The following TENM2 variants were observed in gnomAD, a reference collection of about 807,000 sequenced individuals.
TENM2 encodes the protein teneurin transmembrane protein 2, also known as teneurin-2.
Under a neutral mutation model 245.2 loss-of-function variants are expected in TENM2, and 52 were observed. The observed-to-expected ratio is 0.21, with a 90% confidence interval of 0.17 to 0.27. TENM2 has a LOEUF of 0.27. Ranked by LOEUF, TENM2 falls within the 10% of genes least tolerant of loss-of-function variation. TENM2 has a pLI of 1.00. For missense variants in TENM2, 3,046 were observed against 3,666.8 expected (o/e 0.83, Z 4.37); for synonymous variants, 1,363 against 1,438.9 (o/e 0.95, Z 1.19).
chr5:167,116,661 A>T, the TENM2 span: 1 of 152,140 alleles, frequency 6.6e-6, no homozygotes, highest in Non-Finnish European at 1.5e-5. Context: ...TGAAGTGGGT[A>T]AAATAATGAG....
chr5:167,694,612 T>G (rs187162913), intron 2 of TENM2, among the ~76,000 whole-genome samples: 1 of 152,310 alleles, frequency 6.6e-6, no homozygotes, highest in African/African-American at 2.4e-5. Flanking sequence ...TGTTGTCTTT[T>G]AAATGAGCTT....
intron 2 of TENM2, among the ~76,000 whole-genome samples, chr5:167,764,929 A>G (rs575579313): frequency 1.3e-5 from 2 of 152,250 alleles, no homozygotes; most frequent in East Asian, 3.9e-4. Context: ...CACATTTTAG[A>G]GAAGGATTCA....
At chr5:167,357,385 C>T (rs952637346) in intron 1 of TENM2, among the ~76,000 whole-genome samples, 8 of 150,800 alleles carry the variant, frequency 5.3e-5, no homozygotes, top group African/African-American at 1.5e-4. Context: ...CAGGTTCAAG[C>T]GATTCTCCTG....
intron 2 of TENM2, among the ~76,000 whole-genome samples, chr5:167,445,387 G>A (rs1054107206): frequency 2.1e-5 from 2 of 97,516 alleles, no homozygotes; most frequent in African/African-American, 4.9e-5. Flanking sequence ...GTGTTGTCTT[G>A]TTGTTGGGCA....
intron 2 of TENM2, among the ~76,000 whole-genome samples, chr5:167,750,712 T>C (rs1462876212): frequency 6.6e-6 from 1 of 152,004 alleles, no homozygotes; most frequent in East Asian, 1.9e-4. Flanking sequence ...CAGCCTGGGG[T>C]TTTCTTTTTT....
intron 1 of TENM2, among the ~76,000 whole-genome samples, chr5:167,332,459 A>G (rs1434511253): frequency 1.3e-5 from 2 of 152,190 alleles, no homozygotes; most frequent in African/African-American, 4.8e-5. Flanking sequence ...GCCTCAACAG[A>G]AACAGGCTTT....
chr5:168,190,228 G>C, intron 13 of TENM2, 109 bp from the exon 16 acceptor site: 1 of 755,826 alleles, frequency 1.3e-6, no homozygotes, highest in Non-Finnish European at 2.2e-6. Flanking sequence ...CAGGCCCTTG[G>C]GTACGTTTGA....
intron 2 of TENM2, among the ~76,000 whole-genome samples, chr5:167,513,545 T>C (rs995309560): frequency 6.6e-6 from 1 of 152,198 alleles, no homozygotes; most frequent in Admixed American, 6.5e-5. Flanking sequence ...TCTAAATGTT[T>C]GTTTTGGCAT....
the TENM2 span, among the ~76,000 whole-genome samples, chr5:167,180,103 C>CTT: frequency 0.022 from 2,571 of 114,870 alleles, 176 homozygotes; most frequent in African/African-American, 0.091. Flanking sequence ...TAAGTGCTTC[C>CTT]TTTTTTTTTT....
chr5:167,719,622 A>G (rs1321990801), intron 2 of TENM2, among the ~76,000 whole-genome samples: 3 of 152,242 alleles, frequency 2.0e-5, no homozygotes, highest in Admixed American at 6.5e-5. Flanking sequence ...GAAGAAAGTA[A>G]AATCTAAATA....
the TENM2 span, among the ~76,000 whole-genome samples, chr5:167,012,333 C>T: frequency 2.6e-5 from 4 of 152,158 alleles, no homozygotes; most frequent in East Asian, 7.7e-4. Context: ...CTGGAGACAT[C>T]ATAGTGACCA....
At chr5:167,904,548 C>T (rs1056595902) in intron 3 of TENM2, among the ~76,000 whole-genome samples, 4 of 152,134 alleles carry the variant, frequency 2.6e-5, no homozygotes, top group Admixed American at 6.5e-5. Flanking sequence ...GGATACTGAT[C>T]GAGCTTGCAT....
At chr5:168,181,896 C>T (rs916566946) in intron 13 of TENM2, among the ~76,000 whole-genome samples, 16 of 152,090 alleles carry the variant, frequency 1.1e-4, no homozygotes, top group African/African-American at 2.6e-4. Flanking sequence ...AGGCTGGTCT[C>T]GAACTCCTGA....
rs138255323 is a variant in TENM2, at chr5:167,929,971, A to G, written c.713-22617A>G. On this transcript the variant is annotated intron_variant, in intron 3 of 28. Transcript: ENST00000518659. ...TGCCTTCTGTCCTCTTCATGCACCA[A>G]TTCTCAAGACAACACTGTTATCTTG... 3.8e-4 allele frequency among the ~76,000 whole-genome samples: 58 copies of G among 152,300 alleles called. No individual in the cohort carries two copies. In the East Asian group the frequency reaches 9.3e-3, roughly 24 times the overall value.
At chr5:167,333,489 A>G (rs1434276201) in intron 1 of TENM2, among the ~76,000 whole-genome samples, 2 of 152,234 alleles carry the variant, frequency 1.3e-5, no homozygotes, top group Non-Finnish European at 2.9e-5. Context: ...AGATTACCTG[A>G]TCAGTGAGCC....
intron 2 of TENM2, among the ~76,000 whole-genome samples, chr5:167,384,993 T>A (rs1761332517): frequency 6.6e-6 from 1 of 152,182 alleles, no homozygotes. Flanking sequence ...ACAGGGAGTG[T>A]TCCTTACAGT....
chr5:167,356,595 G>C (rs1759349602), intron 1 of TENM2, among the ~76,000 whole-genome samples: 1 of 152,202 alleles, frequency 6.6e-6, no homozygotes, highest in Non-Finnish European at 1.5e-5. Flanking sequence ...CTTCACCTCT[G>C]ATAATGGCCA....
At chr5:167,640,860 CATATATAT>C (rs58985992) in intron 2 of TENM2, among the ~76,000 whole-genome samples, 1,419 of 47,160 alleles carry the variant, frequency 0.03, 36 homozygotes, top group South Asian at 0.051. Context: ...TATATATATC[CATATATAT>C]ATATATATAT....
the TENM2 span, among the ~76,000 whole-genome samples, chr5:167,001,136 A>G: frequency 6.6e-6 from 1 of 152,174 alleles, no homozygotes; most frequent in Non-Finnish European, 1.5e-5. Flanking sequence ...ACACTTTTCT[A>G]ACTGAAAACC....
Sources: allele counts gnomAD v4.1 joint callset (sites outside exome capture counted in the v4.1 genomes callset), GRCh38; gene constraint gnomAD v4.1.1; transcripts MANE v1.5; gene names NCBI Gene and HGNC (gene_info 2026-07-23, HGNC 2026-07-21).